CPZ: variants seen among roughly 807,000 people sequenced by gnomAD.
The protein encoded by CPZ is carboxypeptidase Z.
In CPZ, 103 loss-of-function variants were observed where a neutral mutation model predicts 61.8. That is an observed-to-expected ratio of 1.67 (90% CI 1.42 to 1.96). CPZ has a LOEUF of 1.96. Among genes scored for constraint, CPZ ranks in the 30% most tolerant of loss-of-function variants. The probability of loss-of-function intolerance (pLI) is 0.00; values close to 1 mark genes in which losing one functional copy is unlikely to be tolerated. For missense variants in CPZ, 1,461 were observed against 914.9 expected (o/e 1.60, Z -7.70); for synonymous variants, 551 against 373.7 (o/e 1.47, Z -5.47).
At chr4:8,609,488 G>A (rs979727993) in intron 7 of CPZ, among the ~76,000 whole-genome samples, 1 of 150,238 alleles carries the variant, frequency 6.7e-6, no homozygotes, top group Admixed American at 6.6e-5. Flanking sequence ...GAGGTGTCTG[G>A]TTCTCTGCTC....
At chr4:8,616,317 C>G (rs759703264) in intron 9 of CPZ, among the ~76,000 whole-genome samples, 36 of 152,120 alleles carry the variant, frequency 2.4e-4, no homozygotes, top group Non-Finnish European at 4.6e-4. Flanking sequence ...CTTTCCCCAC[C>G]AGAGAACCGC....
At position 8,604,146 on chromosome 4, in the gene CPZ, C is replaced by G; in HGVS notation, c.667C>G (p.Leu223Val). 1 of 1,586,158 alleles carries G rather than the reference C, an allele frequency of 6.3e-7. No individual in the cohort carries two copies. ...IGRSFDGREL[L>V]VIEFSSRPGQ... ...GCGCAGCTTCGACGGCAGGGAGCTG[C>G]TGGTCATCGAGTTCTCCAGCCGCCC... The change falls in exon 4 of 11, where the codon CTG becomes GTG. Residue 223 changes from leucine (L) to valine (V), a missense_variant. Transcript: ENST00000360986.
intron 1 of CPZ, 71 bp downstream of exon 1, chr4:8,592,992 C>A: frequency 8.0e-7 from 1 of 1,252,244 alleles, no homozygotes. Context: ...TCCGTCGCTT[C>A]CCAGGGGCCC....
chr4:8,593,553 G>T (rs1000208259), intron 1 of CPZ, among the ~76,000 whole-genome samples: 1 of 152,194 alleles, frequency 6.6e-6, no homozygotes, highest in East Asian at 1.9e-4. Flanking sequence ...CTGGATCCTG[G>T]GCTCCCGTCT....
At chr4:8,618,402 T>TC (rs752641417) in intron 9 of CPZ, 27 bp from the exon 10 acceptor site, 2 of 1,610,018 alleles carry the variant, frequency 1.2e-6, no homozygotes, top group Admixed American at 1.7e-5. Context: ...TCACGCCATC[T>TC]CCCTGGCCTC....
Position 8,592,772 on chromosome 4 carries a change from C to T in CPZ, c.-62C>T, listed in dbSNP as rs1394178707. 23 of 1,220,824 alleles carry T rather than the reference C, an allele frequency of 1.9e-5. No homozygotes were observed. Among genetic ancestry groups the T allele is most frequent in the Non-Finnish European group, 2.5e-5 (23 of 937,676 alleles). The allele number at this position is 1,220,824 out of a possible 1,614,324, so 75.6% of individuals were successfully genotyped here. On this transcript the variant is annotated 5_prime_UTR_variant, in exon 1 of 11. Transcript: ENST00000360986. ...CGGGAGCCCAGCGAGCGCAGAGCCC[C>T]GGCCCCGCGCGGCCCGAGTGCCACA...
intron 4 of CPZ, among the ~76,000 whole-genome samples, 186 bp from the exon 5 acceptor site, chr4:8,605,803 A>C (rs1355964289): frequency 2.6e-5 from 4 of 152,278 alleles, no homozygotes; most frequent in African/African-American, 9.6e-5. Context: ...CTGGCTAGGC[A>C]TAAAAAACGA....
intron 7 of CPZ, among the ~76,000 whole-genome samples, chr4:8,610,714 A>G (rs1361621165): frequency 6.6e-6 from 1 of 152,108 alleles, no homozygotes; most frequent in African/African-American, 2.4e-5. Flanking sequence ...GCCACTCCTG[A>G]GCTGATGCTG....
chr4:8,616,991 T>C (rs765147288), intron 9 of CPZ, among the ~76,000 whole-genome samples: 9 of 152,326 alleles, frequency 5.9e-5, no homozygotes, highest in African/African-American at 2.2e-4. Flanking sequence ...CCGAGATCCC[T>C]GTGGCACAGA....
At chr4:8,609,476 G>T (rs1441182589) in intron 7 of CPZ, among the ~76,000 whole-genome samples, 2 of 152,252 alleles carry the variant, frequency 1.3e-5, no homozygotes, top group Non-Finnish European at 2.9e-5. Flanking sequence ...GGTGCGAGGG[G>T]TGAGGTGTCT....
chr4:8,610,987 C>CTCACTCTT (rs535295039), intron 7 of CPZ, among the ~76,000 whole-genome samples: 2 of 150,664 alleles, frequency 1.3e-5, no homozygotes, highest in Non-Finnish European at 3.0e-5. Context: ...CACTCAGTCA[C>CTCACTCTT]TCACTCTTTC....
intron 1 of CPZ, among the ~76,000 whole-genome samples, chr4:8,595,446 G>A (rs1396994137): frequency 2.0e-5 from 3 of 152,248 alleles, no homozygotes; most frequent in African/African-American, 7.2e-5. Flanking sequence ...GCCAGGGCAG[G>A]TGCGGCCTGG....
intron 9 of CPZ, among the ~76,000 whole-genome samples, chr4:8,616,810 T>C (rs960283239): frequency 6.6e-6 from 1 of 152,176 alleles, no homozygotes; most frequent in South Asian, 2.1e-4. Context: ...CCATGAGACA[T>C]TGTTTCAGGA....
At position 8,601,315 on chromosome 4, in the gene CPZ, T is replaced by G. The variant is rs1714558586; in HGVS notation, c.314T>G (p.Leu105Arg). The change falls in exon 3 of 11, where the codon CTG (leucine) becomes CGG (arginine). Residue 105 changes from leucine (L) to arginine (R), a missense_variant. Transcript: ENST00000360986. Reference protein sequence around the residue: ...PDLRLLGCAVLAPRCEGGWVR... With the variant: ...PDLRLLGCAVRAPRCEGGWVR... ...CTGCGGCTGCTGGGCTGTGCTGTGC[T>G]GGCCCCCCGGTGTGAGGGCGGCTGG... 1 of 1,610,564 alleles carries G rather than the reference T, an allele frequency of 6.2e-7. No homozygotes were observed. Among genetic ancestry groups the G allele is most frequent in the Non-Finnish European group, 8.5e-7 (1 of 1,177,868 alleles).
chr4:8,605,869 T>C (rs1306630312), intron 4 of CPZ, 120 bp from the exon 5 acceptor site: 2 of 998,786 alleles, frequency 2.0e-6, no homozygotes, highest in East Asian at 5.1e-5. Flanking sequence ...GGTTCTTGAG[T>C]CAAAACAAGT....
At chr4:8,610,277 G>A (rs1368602231) in intron 7 of CPZ, among the ~76,000 whole-genome samples, 1 of 152,352 alleles carries the variant, frequency 6.6e-6, no homozygotes, top group East Asian at 1.9e-4. Context: ...CAGCTCCTCT[G>A]ATGTCCTTGT....
Position 8,606,271 on chromosome 4 carries a change from T to C in CPZ, c.906+86T>C, listed in dbSNP as rs1039210892. 8.3e-6 allele frequency: 11 copies of C among 1,326,624 alleles called. No individual in the cohort carries two copies. The African/African-American group carries it at 1.2e-4, about 14-fold the overall frequency. 82.2% of individuals were successfully genotyped at this position (1,326,624 alleles called of 1,614,324 possible). A position where few individuals can be genotyped will look rare whatever the true frequency, so the allele number is the denominator to read the frequency against. Reference sequence around the variant, plus strand: ...ATTTATGAGTAGTTTATCCCAGCAGTGCTTCGTTCCTGCCTCTCTAGGAGA... The same window carrying C: ...ATTTATGAGTAGTTTATCCCAGCAGCGCTTCGTTCCTGCCTCTCTAGGAGA... On this transcript the variant is annotated intron_variant, in intron 5 of 10. Coordinates refer to ENST00000360986, the MANE Select transcript of CPZ (RefSeq NM_001014447.3).
chr4:8,603,933 C>A, intron 3 of CPZ, 43 bp from the exon 4 acceptor site: 2 of 1,571,686 alleles, frequency 1.3e-6, no homozygotes, highest in Non-Finnish European at 1.7e-6. Flanking sequence ...GGTAGGAAGC[C>A]TGGGGGCCTG....
chr4:8,619,577 C>T lies in CPZ; in HGVS notation c.1919C>T (p.Ser640Leu), dbSNP rs762868603. The change falls in exon 11 of 11, where the codon TCG becomes TTG. Residue 640 changes from serine to leucine, a missense_variant. Coordinates refer to ENST00000360986, the MANE Select transcript of CPZ (RefSeq NM_001014447.3). ...CCCTGGTGGTGGTCCTACTTCACAT[C>T]GCTGAGCACCCACAGGCCACGCTGG... ...SKPWWWSYFT[S>L]LSTHRPRWLL... 6 of 1,526,854 alleles carry T rather than the reference C, an allele frequency of 3.9e-6. No homozygotes were observed. In the Admixed American group the frequency reaches 6.2e-5, roughly 16 times the overall value. 94.6% of individuals were successfully genotyped at this position (1,526,854 alleles called of 1,614,324 possible).
Sources: gnomAD v4.1 joint callset for allele counts (sites outside exome capture counted in the v4.1 genomes callset) on GRCh38, gnomAD v4.1.1 for gene constraint, MANE v1.5 for transcripts, NCBI Gene and HGNC (gene_info 2026-07-23, HGNC 2026-07-21) for gene names.